The following TXNDC9 variants were observed in gnomAD, a reference collection of about 807,000 sequenced individuals.
The protein encoded by TXNDC9 is thioredoxin domain containing 9, also known as thioredoxin domain-containing protein 9.
A neutral mutation model predicts 23.0 loss-of-function variants in TXNDC9; 7 were observed. The ratio of observed to expected loss-of-function variants is 0.30; its 90% CI spans 0.17 to 0.57. The LOEUF (loss-of-function observed/expected upper bound fraction) is 0.57, where lower values mean the gene tolerates loss of function less well. TXNDC9 is among the 20% of genes least tolerant of loss of function. TXNDC9 has a pLI of 0.90. For missense variants in TXNDC9, 198 were observed against 252.6 expected (o/e 0.78, Z 1.47); for synonymous variants, 72 against 90.6 (o/e 0.79, Z 1.17).
chr2:99,309,521 A>T, the TXNDC9 span, among the ~76,000 whole-genome samples: 1 of 151,820 alleles, frequency 6.6e-6, no homozygotes, highest in Non-Finnish European at 1.5e-5. Context: ...TTAAAAAAAA[A>T]GAAAAGAAAA....
At chr2:99,330,771 C>T (rs6708861) in intron 2 of TXNDC9, among the ~76,000 whole-genome samples, 58,013 of 152,002 alleles carry the variant, frequency 0.38, 11,855 homozygotes, top group East Asian at 0.63. Flanking sequence ...CCAATACCCT[C>T]GTGGATCAGA....
the TXNDC9 span, among the ~76,000 whole-genome samples, chr2:99,307,027 CTTCTTCCTTTTCT>C: frequency 3.5e-5 from 2 of 56,830 alleles, no homozygotes; most frequent in Non-Finnish European, 8.4e-5. Context: ...TCCTTCCTTC[CTTCTTCCTTTTCT>C]TTCTTCCTTC....
intron 2 of TXNDC9, among the ~76,000 whole-genome samples, chr2:99,328,227 T>C (rs1425848663): frequency 3.3e-5 from 5 of 151,150 alleles, no homozygotes; most frequent in African/African-American, 1.2e-4. Context: ...TCCCAAGGAA[T>C]TGGGACCACT....
At chr2:99,313,195 T>C in the TXNDC9 span, among the ~76,000 whole-genome samples, 2 of 151,366 alleles carry the variant, frequency 1.3e-5, no homozygotes, top group African/African-American at 2.4e-5. Flanking sequence ...ACAACAACAA[T>C]AAAACAAACA....
intron 2 of TXNDC9, among the ~76,000 whole-genome samples, chr2:99,330,290 C>CTAAAAAAAA (rs2094221713): frequency 3.6e-5 from 1 of 28,160 alleles, no homozygotes. Context: ...ACTCTTATCT[C>CTAAAAAAAA]AAAAAAAAAA....
chr2:99,320,585 G>A (rs1455594526), intron 4 of TXNDC9, among the ~76,000 whole-genome samples: 2 of 152,166 alleles, frequency 1.3e-5, no homozygotes. Context: ...ATAACTAAAT[G>A]TGCTGCATTT....
chr2:99,311,624 A>G, the TXNDC9 span, among the ~76,000 whole-genome samples: 1 of 151,640 alleles, frequency 6.6e-6, no homozygotes, highest in East Asian at 1.9e-4. Context: ...CCTGGCCTCA[A>G]GCCGTCCTCT....
intron 3 of TXNDC9, among the ~76,000 whole-genome samples, chr2:99,325,228 A>C (rs1168771780): frequency 1.3e-5 from 2 of 152,356 alleles, no homozygotes; most frequent in East Asian, 3.9e-4. Context: ...GCCTGTGTTA[A>C]AATATCTCAT....
Position 99,319,745 on chromosome 2 carries a change from G to A in TXNDC9, c.618C>T (p.Phe206=). The change falls in exon 5 of 5, where the codon TTC becomes TTT. Residue 206 remains phenylalanine (F), a synonymous_variant. Coordinates refer to ENST00000264255, the MANE Select transcript of TXNDC9 (RefSeq NM_005783.4). The stretch of plus-strand genomic sequence containing the variant: ...GGATAGTTTTCTTTTCCAGCTTTGT[G>A]AAGTTTGTTCCAAATTTCTTTTGGT... ...FQNQKKFGTN[F]TKLEKKTIRG... 6.2e-7 allele frequency: 1 copy of A among 1,601,306 alleles called. No homozygotes were observed. The highest frequency in any genetic ancestry group is 1.4e-5 in the African/African-American group (1 of 73,874).
the TXNDC9 span, among the ~76,000 whole-genome samples, chr2:99,306,306 CA>C: frequency 6.6e-6 from 1 of 152,154 alleles, no homozygotes; most frequent in South Asian, 2.1e-4. Flanking sequence ...GACTTTGAGA[CA>C]AGTGTGAACG....
chr2:99,311,717 T>G, the TXNDC9 span, among the ~76,000 whole-genome samples: 1 of 152,222 alleles, frequency 6.6e-6, no homozygotes, highest in Non-Finnish European at 1.5e-5. Flanking sequence ...TCCTCTGTCC[T>G]TGACTTCCCA....
chr2:99,311,707 T>C, the TXNDC9 span, among the ~76,000 whole-genome samples: 1 of 152,338 alleles, frequency 6.6e-6, no homozygotes, highest in South Asian at 2.1e-4. Flanking sequence ...CCTCAAGCCA[T>C]CCTCTGTCCT....
chr2:99,323,040 C>T (rs1193285537), intron 3 of TXNDC9, among the ~76,000 whole-genome samples: 4 of 152,116 alleles, frequency 2.6e-5, no homozygotes, highest in East Asian at 1.9e-4. Flanking sequence ...GGATTACAAG[C>T]GTGAGCCACT....
At chr2:99,332,373 G>A (rs990515578) in intron 2 of TXNDC9, among the ~76,000 whole-genome samples, 5 of 152,206 alleles carry the variant, frequency 3.3e-5, no homozygotes, top group Admixed American at 6.5e-5. Flanking sequence ...AAGCCGGGAA[G>A]CGGAGGTTGC....
the TXNDC9 span, among the ~76,000 whole-genome samples, chr2:99,308,674 G>A: frequency 6.6e-5 from 10 of 151,816 alleles, no homozygotes; most frequent in East Asian, 1.9e-3. Flanking sequence ...AACTGGAAAG[G>A]CCTTTAACAA....
chr2:99,322,506 C>T (rs1167325893), intron 3 of TXNDC9: 4 of 1,452,838 alleles, frequency 2.8e-6, no homozygotes, highest in African/African-American at 2.9e-5. Flanking sequence ...ATCTCCTACA[C>T]AGGAAACTTG....
At position 99,336,280 on chromosome 2, in the gene TXNDC9, T is replaced by C; in HGVS notation, c.-74A>G. The C allele has an allele frequency of 1.0e-6, 1 of 985,188 alleles. No homozygotes were observed. Among genetic ancestry groups the C allele is most frequent in the Non-Finnish European group, 1.2e-6 (1 of 829,908 alleles). The allele number at this position is 985,188 out of a possible 1,614,324, so 61.0% of individuals were successfully genotyped here. A position where few individuals can be genotyped will look rare whatever the true frequency, so the allele number is the denominator to read the frequency against. ...GCCTGAGAAGTGAAAGAGCAGCAGT[T>C]TCAAAAGACACGTCCACTCCGGCTT... On this transcript the variant is annotated 5_prime_UTR_variant, in exon 1 of 5. Coordinates refer to ENST00000264255, the MANE Select transcript of TXNDC9 (RefSeq NM_005783.4).
At chr2:99,321,042 G>A (rs932892024) in intron 4 of TXNDC9, 15 of 151,816 alleles carry the variant, frequency 9.9e-5, no homozygotes, top group South Asian at 2.1e-4. Flanking sequence ...TGCCCCACCC[G>A]GCTGCAATTT....
At chr2:99,312,211 T>C in the TXNDC9 span, among the ~76,000 whole-genome samples, 1 of 152,164 alleles carries the variant, frequency 6.6e-6, no homozygotes. Context: ...ACACCCCTTA[T>C]TCTGTGGACA....
Sources: allele counts gnomAD v4.1 joint callset (sites outside exome capture counted in the v4.1 genomes callset), GRCh38; gene constraint gnomAD v4.1.1; transcripts MANE v1.5; gene names NCBI Gene and HGNC (gene_info 2026-07-23, HGNC 2026-07-21).